Variants in VWA3B observed in about 807,000 individuals in gnomAD.
VWA3B encodes von Willebrand factor A domain containing 3B, also known as von Willebrand factor A domain-containing protein 3B.
A neutral mutation model predicts 158.3 loss-of-function variants in VWA3B; 138 were observed. The ratio of observed to expected loss-of-function variants is 0.87; its 90% CI spans 0.76 to 1.00. The LOEUF (loss-of-function observed/expected upper bound fraction) is 1.00, where lower values mean the gene tolerates loss of function less well. VWA3B is among the 50% of genes least tolerant of loss of function. The probability of loss-of-function intolerance (pLI) is 0.00; values close to 1 mark genes in which losing one functional copy is unlikely to be tolerated. For missense variants in VWA3B, 1,555 were observed against 1,565.1 expected, an observed-to-expected ratio of 0.99 and a Z score of 0.11; for synonymous variants, 596 against 587.3, an observed-to-expected ratio of 1.01 and a Z score of -0.21.
At chr2:98,201,625 GT>G (rs200699328) in intron 12 of VWA3B, among the ~76,000 whole-genome samples, 1 of 151,670 alleles carries the variant, frequency 6.6e-6, no homozygotes, top group East Asian at 1.9e-4. Flanking sequence ...GAGGTTTTTT[GT>G]TTTTTTTGTA....
intron 12 of VWA3B, among the ~76,000 whole-genome samples, chr2:98,199,221 A>T (rs889380496): frequency 2.6e-5 from 4 of 152,126 alleles, no homozygotes; most frequent in Admixed American, 2.0e-4. Context: ...GTAGTGCTTT[A>T]TTGATGAGTA....
At chr2:98,201,142 A>C (rs1183560765) in intron 12 of VWA3B, among the ~76,000 whole-genome samples, 3 of 152,154 alleles carry the variant, frequency 2.0e-5, no homozygotes, top group African/African-American at 7.2e-5. Context: ...TTTCAGAATC[A>C]GTTGTTGAAA....
At chr2:98,114,262 C>A (rs1674361874) in intron 2 of VWA3B, among the ~76,000 whole-genome samples, 1 of 152,188 alleles carries the variant, frequency 6.6e-6, no homozygotes, top group Non-Finnish European at 1.5e-5. Flanking sequence ...ACAGCTTCCT[C>A]TCCCAACTCC....
intron 5 of VWA3B, among the ~76,000 whole-genome samples, chr2:98,127,703 C>T (rs1162518589): frequency 6.6e-6 from 1 of 151,844 alleles, no homozygotes; most frequent in Non-Finnish European, 1.5e-5. Flanking sequence ...TGGCATCTGA[C>T]CAGCTGTGCA....
At chr2:98,209,700 G>A (rs1683339537) in intron 12 of VWA3B, among the ~76,000 whole-genome samples, 1 of 152,156 alleles carries the variant, frequency 6.6e-6, no homozygotes, top group Non-Finnish European at 1.5e-5. Context: ...CATTGTTCCA[G>A]AGATTTCTGA....
intron 1 of VWA3B, among the ~76,000 whole-genome samples, chr2:98,088,937 A>G (rs764718342): frequency 1.3e-5 from 2 of 151,940 alleles, no homozygotes; most frequent in Non-Finnish European, 2.9e-5. Flanking sequence ...TATTTTTAGT[A>G]GAGACGAGGT....
At chr2:98,120,976 A>C (rs530609988) in intron 4 of VWA3B, among the ~76,000 whole-genome samples, 16 of 152,372 alleles carry the variant, frequency 1.1e-4, no homozygotes, top group African/African-American at 3.1e-4. Flanking sequence ...AGCCAGTTAC[A>C]TATAAACTTG....
At chr2:98,216,627 G>A (rs924168016) in intron 13 of VWA3B, 6 of 446,352 alleles carry the variant, frequency 1.3e-5, no homozygotes, top group African/African-American at 2.0e-5. Flanking sequence ...TGGCTGCACA[G>A]CTGTTTAGAC....
chr2:98,167,221 A>G (rs930218356), intron 8 of VWA3B, among the ~76,000 whole-genome samples: 3 of 152,186 alleles, frequency 2.0e-5, no homozygotes, highest in Non-Finnish European at 4.4e-5. Context: ...ATACAGGTCC[A>G]TAGTACCAGG....
intron 2 of VWA3B, among the ~76,000 whole-genome samples, chr2:98,112,311 T>G (rs1429872085): frequency 6.6e-6 from 1 of 151,800 alleles, no homozygotes; most frequent in Admixed American, 6.6e-5. Context: ...TGGGTGTGTG[T>G]GTGTGTGTGT....
chr2:98,276,764 G>GCC (rs1192568391), intron 22 of VWA3B, among the ~76,000 whole-genome samples: 3 of 152,118 alleles, frequency 2.0e-5, no homozygotes, highest in Non-Finnish European at 4.4e-5. Context: ...GGAATGGGCT[G>GCC]CCCATGTGTG....
chr2:98,190,835 A>G (rs557775218), intron 10 of VWA3B, among the ~76,000 whole-genome samples: 5 of 151,728 alleles, frequency 3.3e-5, no homozygotes, highest in African/African-American at 4.8e-5. Flanking sequence ...AGTTTTCTTT[A>G]TTTTTCTTCT....
Position 98,311,832 on chromosome 2 carries a change from G to A in VWA3B, c.3535G>A (p.Ala1179Thr). ...PEDPEVEDVE[A>T]RNSAFLFWPL... ...CTCTGTCTCTAGAGAGGATGTGGAG[G>A]CGAGGAACTCTGCTTTCCTCTTCTG... The change falls in exon 27 of 28, where the codon GCG (alanine) becomes ACG (threonine). Residue 1179 changes from alanine (A) to threonine (T), a missense_variant. Transcript: ENST00000477737. 1 of 1,606,976 alleles carries A rather than the reference G, an allele frequency of 6.2e-7. No homozygotes were observed. The highest frequency in any genetic ancestry group is 1.3e-5 in the African/African-American group (1 of 74,796).
chr2:98,195,438 G>A (rs947834285), intron 12 of VWA3B, among the ~76,000 whole-genome samples: 1 of 152,112 alleles, frequency 6.6e-6, no homozygotes, highest in African/African-American at 2.4e-5. Flanking sequence ...ACTGGGAGGC[G>A]AAAATCTGTT....
chr2:98,139,196 C>T (rs554149958), intron 7 of VWA3B, among the ~76,000 whole-genome samples: 6 of 152,354 alleles, frequency 3.9e-5, no homozygotes, highest in South Asian at 4.1e-4. Flanking sequence ...GCCGGCCCAC[C>T]GGAGCTGCTC....
chr2:98,219,746 C>G (rs1413795300), intron 14 of VWA3B, among the ~76,000 whole-genome samples: 1 of 152,138 alleles, frequency 6.6e-6, no homozygotes, highest in Non-Finnish European at 1.5e-5. Flanking sequence ...GATGTCTCAT[C>G]AGAAATAATG....
At position 98,297,920 on chromosome 2, in the gene VWA3B, G is replaced by A; in HGVS notation, c.3171G>A (p.Lys1057=). ...NGFYFPGVVK[K]CVSRTQALVG... The stretch of plus-strand genomic sequence containing the variant: ...GATTCCTTCCAGGGGTTGTGAAGAA[G>A]TGTGTGAGCCGCACCCAAGCACTGG... Residue 1057 remains lysine (K), a synonymous_variant, in exon 24 of 28, where the codon AAG becomes AAA. Transcript: ENST00000477737. The A allele has an allele frequency of 6.5e-7, 1 of 1,549,426 alleles. No homozygotes were observed.
intron 12 of VWA3B, among the ~76,000 whole-genome samples, chr2:98,204,075 G>A (rs548968312): frequency 5.3e-5 from 8 of 152,260 alleles, no homozygotes; most frequent in South Asian, 2.1e-4. Flanking sequence ...CATTTTATAC[G>A]ATACTTGAGC....
At chr2:98,234,896 A>G in intron 17 of VWA3B, 129 bp downstream of exon 17, 2 of 1,371,444 alleles carry the variant, frequency 1.5e-6, no homozygotes, top group Non-Finnish European at 1.9e-6. Flanking sequence ...TCCTATTCAA[A>G]GGAATCCCTT....
Sources: allele counts gnomAD v4.1 joint callset (sites outside exome capture counted in the v4.1 genomes callset), GRCh38; gene constraint gnomAD v4.1.1; transcripts MANE v1.5; gene names NCBI Gene and HGNC (gene_info 2026-07-23, HGNC 2026-07-21).